CADM2: variants seen among roughly 807,000 people sequenced by gnomAD.
CADM2 encodes cell adhesion molecule 2.
A neutral mutation model predicts 49.8 loss-of-function variants in CADM2; 12 were observed. That is an observed-to-expected ratio of 0.24 (90% CI 0.15 to 0.39). The LOEUF is 0.39. Among genes scored for constraint, CADM2 ranks in the 10% least tolerant of loss-of-function variants. The probability of loss-of-function intolerance (pLI) is 1.00; values close to 1 mark genes in which losing one functional copy is unlikely to be tolerated. For synonymous variants in CADM2, 214 were observed against 175.4 expected (o/e 1.22, Z -1.74); for missense variants, 378 against 492.3 (o/e 0.77, Z 2.20).
At chr3:85,824,596 G>A (rs774138966) in intron 3 of CADM2, among the ~76,000 whole-genome samples, 2 of 152,050 alleles carry the variant, frequency 1.3e-5, no homozygotes, top group African/African-American at 2.4e-5. Context: ...CTCTTCATTC[G>A]TGGGTTGAGT....
At chr3:85,939,167 G>A (rs977383259) in intron 7 of CADM2, among the ~76,000 whole-genome samples, 8 of 151,854 alleles carry the variant, frequency 5.3e-5, no homozygotes, top group Non-Finnish European at 1.2e-4. Flanking sequence ...GAACAATCAT[G>A]CCTATTTGCC....
At chr3:85,258,183 A>T (rs2042932788) in intron 1 of CADM2, among the ~76,000 whole-genome samples, 1 of 152,088 alleles carries the variant, frequency 6.6e-6, no homozygotes, top group Non-Finnish European at 1.5e-5. Flanking sequence ...TATCTCAGAT[A>T]TTTAGAGGCT....
chr3:85,190,316 T>C (rs2041177758), intron 1 of CADM2, among the ~76,000 whole-genome samples: 1 of 152,140 alleles, frequency 6.6e-6, no homozygotes, highest in Non-Finnish European at 1.5e-5. Flanking sequence ...TTTGTGGCTA[T>C]GTCATTCCCC....
chr3:85,131,034 T>C (rs893390567), intron 1 of CADM2, among the ~76,000 whole-genome samples: 6 of 151,884 alleles, frequency 4.0e-5, no homozygotes, highest in African/African-American at 1.5e-4. Flanking sequence ...AATACAAAAT[T>C]AGCCGGGCGT....
chr3:85,057,261 T>C (rs1239168439), intron 1 of CADM2, among the ~76,000 whole-genome samples: 1 of 151,944 alleles, frequency 6.6e-6, no homozygotes, highest in Non-Finnish European at 1.5e-5. Context: ...CAGCAGAAAA[T>C]GTCATCTAAG....
intron 1 of CADM2, among the ~76,000 whole-genome samples, chr3:85,584,894 A>G (rs963295269): frequency 3.3e-5 from 5 of 152,056 alleles, no homozygotes; most frequent in African/African-American, 1.2e-4. Context: ...TAAAGATTTT[A>G]TCAGTTAAAT....
intron 2 of CADM2, among the ~76,000 whole-genome samples, chr3:85,726,986 T>C (rs570358322): frequency 9.2e-5 from 14 of 152,208 alleles, no homozygotes; most frequent in Admixed American, 7.2e-4. Flanking sequence ...AAGCTATCGA[T>C]TTCTATTTAT....
rs919696225 is a variant in CADM2, at chr3:85,256,836, A to G, written c.61+297168A>G. On this transcript the variant is annotated intron_variant, in intron 1 of 9. Transcript: ENST00000383699. ...AATGTACAAACAGTTATATTTATCT[A>G]CTGTGGTTTGAATTTGATTTTCTTC... 2.6e-5 allele frequency among the ~76,000 whole-genome samples: 4 copies of G among 152,130 alleles called. No individual in the cohort carries two copies. In the South Asian group the frequency reaches 6.2e-4, roughly 24 times the overall value.
chr3:85,244,870 G>A (rs1057150015), intron 1 of CADM2, among the ~76,000 whole-genome samples: 16 of 152,284 alleles, frequency 1.1e-4, no homozygotes, highest in African/African-American at 3.8e-4. Context: ...TCTACCAAGA[G>A]TTAGAATTTT....
At chr3:85,545,879 T>A (rs570983483) in intron 1 of CADM2, among the ~76,000 whole-genome samples, 1 of 152,274 alleles carries the variant, frequency 6.6e-6, no homozygotes, top group South Asian at 2.1e-4. Flanking sequence ...ATGATCTCAG[T>A]TTACCAGAGA....
At chr3:85,935,584 T>C (rs762778509) in intron 6 of CADM2, among the ~76,000 whole-genome samples, 183 bp from the exon 7 acceptor site, 7 of 152,016 alleles carry the variant, frequency 4.6e-5, no homozygotes, top group Admixed American at 1.3e-4. Flanking sequence ...TAGCTTTGCA[T>C]GGACAGGTTG....
At chr3:85,931,220 G>T (rs1720544924) in intron 6 of CADM2, among the ~76,000 whole-genome samples, 1 of 151,604 alleles carries the variant, frequency 6.6e-6, no homozygotes, top group Non-Finnish European at 1.5e-5. Flanking sequence ...AAAAATGGAA[G>T]AAAGAAAGAA....
At chr3:85,027,156 C>A (rs2034770333) in intron 1 of CADM2, among the ~76,000 whole-genome samples, 1 of 116,014 alleles carries the variant, frequency 8.6e-6, no homozygotes, top group African/African-American at 3.5e-5. Flanking sequence ...GCTCTTTCAC[C>A]CAGGCTGGAG....
At chr3:85,154,846 A>G (rs367599456) in intron 1 of CADM2, among the ~76,000 whole-genome samples, 410 of 139,624 alleles carry the variant, frequency 2.9e-3, no homozygotes, top group African/African-American at 5.5e-3. Context: ...ACTAAGCTTC[A>G]TAAGTGAAGG....
At chr3:84,975,673 T>C (rs992868044) in intron 1 of CADM2, among the ~76,000 whole-genome samples, 18 of 151,812 alleles carry the variant, frequency 1.2e-4, no homozygotes, top group Admixed American at 6.6e-5. Context: ...AGTTTTACCC[T>C]AATAGGAAAC....
At chr3:85,191,213 A>G (rs2041198856) in intron 1 of CADM2, among the ~76,000 whole-genome samples, 1 of 152,040 alleles carries the variant, frequency 6.6e-6, no homozygotes, top group Non-Finnish European at 1.5e-5. Context: ...TTTAAATATA[A>G]CTGAATTCAA....
Position 85,504,712 on chromosome 3 carries a change from T to G in CADM2, c.62-221810T>G, listed in dbSNP as rs567894167. 5.9e-5 allele frequency among the ~76,000 whole-genome samples: 9 copies of G among 152,128 alleles called. No homozygotes were observed. The South Asian group carries it at 1.5e-3, about 25-fold the overall frequency. ...CCTTGGGTGGTCGATGGGACTGGGC[T>G]CCGTGGAGCAGGGGGCGGCGCTCAT... On this transcript the variant is annotated intron_variant, in intron 1 of 9. Coordinates refer to ENST00000383699, the MANE Select transcript of CADM2 (RefSeq NM_001167675.2).
chr3:85,773,399 C>CACAAGGA (rs2070202202), intron 2 of CADM2, among the ~76,000 whole-genome samples: 1 of 152,014 alleles, frequency 6.6e-6, no homozygotes, highest in Non-Finnish European at 1.5e-5. Context: ...GCAGTCTCTG[C>CACAAGGA]ACAAGGAACT....
At chr3:85,037,133 C>A (rs557736812) in intron 1 of CADM2, among the ~76,000 whole-genome samples, 18 of 152,000 alleles carry the variant, frequency 1.2e-4, no homozygotes, top group Non-Finnish European at 2.1e-4. Flanking sequence ...TTGCGCCATG[C>A]ACTCCAGCCT....
Sources: allele counts gnomAD v4.1 joint callset (sites outside exome capture counted in the v4.1 genomes callset), GRCh38; gene constraint gnomAD v4.1.1; transcripts MANE v1.5; gene names NCBI Gene and HGNC (gene_info 2026-07-23, HGNC 2026-07-21).